ARHGAP28: variants seen among roughly 807,000 people sequenced by gnomAD.
The protein encoded by ARHGAP28 is rho GTPase-activating protein 28.
Under a neutral mutation model 90.7 loss-of-function variants are expected in ARHGAP28, and 56 were observed. That is an observed-to-expected ratio of 0.62 (90% CI 0.50 to 0.77). The LOEUF is 0.77. Ranked by LOEUF, ARHGAP28 falls within the 30% of genes least tolerant of loss-of-function variation. The pLI is 0.00. For missense variants in ARHGAP28, 869 were observed against 900.9 expected (o/e 0.96, Z 0.45); for synonymous variants, 308 against 323.3 (o/e 0.95, Z 0.51).
In ARHGAP28 at chr18:6,794,454, G is replaced by A. The variant is rs558763111; in HGVS notation, c.123-30308G>A. The stretch of plus-strand genomic sequence containing the variant: ...TTGGAACTGCCCATCCTCACCAGGA[G>A]GAACTTGGGCCTCCCCTGGCAGGTA... On this transcript the variant is annotated intron_variant, in intron 1 of 17. Transcript: ENST00000383472. Among the ~76,000 whole-genome samples the A allele has an allele frequency of 5.9e-5, 9 of 152,292 alleles. No homozygotes were observed. The East Asian group carries it at 1.5e-3, about 26-fold the overall frequency.
intron 3 of ARHGAP28, among the ~76,000 whole-genome samples, chr18:6,840,227 G>A (rs948884516): frequency 1.2e-4 from 18 of 152,138 alleles, no homozygotes; most frequent in Non-Finnish European, 1.8e-4. Context: ...AGTTGTGTCC[G>A]GGATCATCTT....
intron 3 of ARHGAP28, among the ~76,000 whole-genome samples, chr18:6,839,564 T>G (rs903312295): frequency 2.0e-5 from 3 of 152,218 alleles, no homozygotes; most frequent in Non-Finnish European, 4.4e-5. Flanking sequence ...CCCAAAGTGC[T>G]GGGATTACAG....
intron 1 of ARHGAP28, among the ~76,000 whole-genome samples, chr18:6,761,435 A>G (rs1167403966): frequency 6.6e-6 from 1 of 152,224 alleles, no homozygotes; most frequent in Admixed American, 6.5e-5. Flanking sequence ...GCTTATGTGC[A>G]CACGTATCTC....
chr18:6,847,584 TAAC>T (rs1600242683), intron 3 of ARHGAP28, among the ~76,000 whole-genome samples: 1 of 151,294 alleles, frequency 6.6e-6, no homozygotes, highest in East Asian at 2.0e-4. Context: ...AAGCAGAAGA[TAAC>T]AATGTAGATA....
In ARHGAP28 at chr18:6,735,424, C is replaced by T. The variant is rs533719179; in HGVS notation, c.122+5481C>T. Among the ~76,000 whole-genome samples the T allele has an allele frequency of 1.1e-4, 16 of 152,298 alleles. No homozygotes were observed. In the South Asian group the frequency reaches 1.2e-3, roughly 12 times the overall value. ...CCACACTGAATTTTGTTGTATCTCC[C>T]GAGTCTCCTGCAATCTGACAGACTG... On this transcript the variant is annotated intron_variant, in intron 1 of 17. Coordinates refer to ENST00000383472, the MANE Select transcript of ARHGAP28 (RefSeq NM_001366230.1).
chr18:6,861,910 G>A (rs1437566784), intron 5 of ARHGAP28, among the ~76,000 whole-genome samples: 1 of 152,192 alleles, frequency 6.6e-6, no homozygotes, highest in East Asian at 1.9e-4. Flanking sequence ...CAGTTATAGA[G>A]CTGTCCAGGG....
intron 11 of ARHGAP28, among the ~76,000 whole-genome samples, chr18:6,885,832 A>G (rs1357717845): frequency 7.0e-6 from 1 of 143,408 alleles, no homozygotes; most frequent in African/African-American, 2.6e-5. Flanking sequence ...GCGTTGGAAG[A>G]TTAGAGACAG....
At chr18:6,761,241 A>G (rs2056157391) in intron 1 of ARHGAP28, among the ~76,000 whole-genome samples, 1 of 152,142 alleles carries the variant, frequency 6.6e-6, no homozygotes. Flanking sequence ...TCTTGATTTC[A>G]GTGACATTTC....
rs943047981 is a variant in ARHGAP28, at chr18:6,914,625, T to TA, written c.*2477dup. 2 of 152,120 alleles carry TA rather than the reference T, an allele frequency of 1.3e-5. No homozygotes were observed. The highest frequency in any genetic ancestry group is 4.8e-5 in the African/African-American group (2 of 41,434). 9.4% of individuals were successfully genotyped at this position (152,120 alleles called of 1,614,324 possible). Reference sequence around the variant, plus strand: ...GTTTTTTAAAAATTTAATAAATTCATAAAAAAGACTCATATCTTTGCAAAC... The same window carrying TA: ...GTTTTTTAAAAATTTAATAAATTCATAAAAAAAGACTCATATCTTTGCAAAC... On this transcript the variant is annotated 3_prime_UTR_variant, in exon 18 of 18. Transcript: ENST00000383472.
intron 14 of ARHGAP28, among the ~76,000 whole-genome samples, chr18:6,893,819 AC>A (rs1282725337): frequency 1.5e-4 from 23 of 151,972 alleles, no homozygotes; most frequent in Non-Finnish European, 3.4e-4. Flanking sequence ...ACACTTAAAG[AC>A]AAAGAAATAG....
chr18:6,878,851 G>A (rs535138645), intron 10 of ARHGAP28, among the ~76,000 whole-genome samples: 14 of 152,242 alleles, frequency 9.2e-5, no homozygotes, highest in Admixed American at 2.0e-4. Context: ...TGCATTAAAG[G>A]GTTCTTTATT....
chr18:6,889,856 CA>C, intron 12 of ARHGAP28, 31 bp from the exon 13 acceptor site: 2 of 1,604,174 alleles, frequency 1.2e-6, no homozygotes, highest in Non-Finnish European at 1.7e-6. Flanking sequence ...TGACAGTGTA[CA>C]ATTGTATGAC....
At chr18:6,906,527 G>T (rs922944898) in intron 16 of ARHGAP28, among the ~76,000 whole-genome samples, 1 of 152,118 alleles carries the variant, frequency 6.6e-6, no homozygotes, top group Non-Finnish European at 1.5e-5. Context: ...GCAATTTGAT[G>T]GAGGAAGCCT....
chr18:6,756,001 T>C (rs1038872341), intron 1 of ARHGAP28, among the ~76,000 whole-genome samples: 3 of 152,190 alleles, frequency 2.0e-5, no homozygotes, highest in African/African-American at 4.8e-5. Context: ...AACAAATCTA[T>C]GGGGAAGGGT....
Position 6,801,964 on chromosome 18 carries a change from C to T in ARHGAP28, c.123-22798C>T, listed in dbSNP as rs188541596. On this transcript the variant is annotated intron_variant, in intron 1 of 17. Transcript: ENST00000383472. ...ACTACCAGTCTACCCTTTATCTTAA[C>T]GAGATTCATGGTTTAATTCCCACAA... is the stretch of plus-strand genomic sequence containing the variant. 5.0e-3 allele frequency among the ~76,000 whole-genome samples: 754 copies of T among 152,196 alleles called. 6 individuals are homozygous for T. Among genetic ancestry groups the T allele is most frequent in the Middle Eastern group, 0.024 (7 of 294 alleles).
intron 5 of ARHGAP28, among the ~76,000 whole-genome samples, chr18:6,866,749 C>CA (rs779381296): frequency 1.4e-4 from 21 of 152,240 alleles, no homozygotes; most frequent in Non-Finnish European, 2.8e-4. Flanking sequence ...TCATTCAGTA[C>CA]AATTAACTGG....
At chr18:6,838,472 A>C (rs2056770963) in intron 3 of ARHGAP28, among the ~76,000 whole-genome samples, 1 of 152,204 alleles carries the variant, frequency 6.6e-6, no homozygotes, top group Non-Finnish European at 1.5e-5. Flanking sequence ...ATATAGGCCC[A>C]GTTAACCTTT....
chr18:6,853,681 G>A (rs1431050415), intron 4 of ARHGAP28, among the ~76,000 whole-genome samples: 1 of 152,152 alleles, frequency 6.6e-6, no homozygotes, highest in East Asian at 1.9e-4. Flanking sequence ...CACCATGTTG[G>A]TCAGGCTGGG....
chr18:6,886,588 G>T (rs2057223118), intron 11 of ARHGAP28, among the ~76,000 whole-genome samples: 1 of 152,184 alleles, frequency 6.6e-6, no homozygotes, highest in Non-Finnish European at 1.5e-5. Flanking sequence ...TACAGGTACT[G>T]ATTTAAACAC....
Sources: gnomAD v4.1 joint callset for allele counts (sites outside exome capture counted in the v4.1 genomes callset) on GRCh38, gnomAD v4.1.1 for gene constraint, MANE v1.5 for transcripts, NCBI Gene and HGNC (gene_info 2026-07-23, HGNC 2026-07-21) for gene names.